ADARB2: variants seen among roughly 807,000 people sequenced by gnomAD.
ADARB2 encodes adenosine deaminase RNA specific B2 (inactive).
A neutral mutation model predicts 62.2 loss-of-function variants in ADARB2; 25 were observed. The observed-to-expected ratio is 0.40, with a 90% CI of 0.29 to 0.56. The LOEUF (loss-of-function observed/expected upper bound fraction) is 0.56, where lower values mean the gene tolerates loss of function less well. ADARB2 is among the 20% of genes least tolerant of loss of function. The probability of loss-of-function intolerance (pLI) is 0.43; values close to 1 mark genes in which losing one functional copy is unlikely to be tolerated. For synonymous variants in ADARB2, 572 were observed against 500.8 expected (o/e 1.14, Z -1.90); for missense variants, 1,071 against 1,077.4 (o/e 0.99, Z 0.08).
intron 1 of ADARB2, among the ~76,000 whole-genome samples, chr10:1,602,979 C>T (rs114517131): frequency 6.6e-6 from 1 of 151,508 alleles, no homozygotes. Context: ...CACACATCAA[C>T]ACGTGCACAC....
chr10:1,618,240 A>G (rs979581269), intron 1 of ADARB2, among the ~76,000 whole-genome samples: 6 of 152,324 alleles, frequency 3.9e-5, no homozygotes, highest in East Asian at 1.9e-4. Context: ...TTAAGATCCT[A>G]TAAGTCCAGC....
At chr10:1,185,333 A>G (rs1836737686) in intron 8 of ADARB2, among the ~76,000 whole-genome samples, 1 of 152,160 alleles carries the variant, frequency 6.6e-6, no homozygotes, top group African/African-American at 2.4e-5. Flanking sequence ...CCTTCTGTAA[A>G]TATTAGTTGA....
intron 4 of ADARB2, among the ~76,000 whole-genome samples, chr10:1,249,995 TAA>T (rs1158786529): frequency 1.3e-5 from 2 of 149,154 alleles, no homozygotes; most frequent in Non-Finnish European, 3.0e-5. Flanking sequence ...ATAATAGGAA[TAA>T]GTTTAACGAG....
chr10:1,526,443 G>A (rs1397206415), intron 1 of ADARB2, among the ~76,000 whole-genome samples: 1 of 152,016 alleles, frequency 6.6e-6, no homozygotes, highest in Non-Finnish European at 1.5e-5. Context: ...GGTGGGGGAT[G>A]CTGGGGTCAG....
chr10:1,679,657 A>C (rs977174007), intron 1 of ADARB2, among the ~76,000 whole-genome samples: 2 of 152,240 alleles, frequency 1.3e-5, no homozygotes, highest in East Asian at 3.9e-4. Flanking sequence ...GATGAAGAGC[A>C]CTGTCCCCCA....
rs528337391 is a variant in ADARB2 at position 1,261,843 on chromosome 10, G to A, written c.1192+9112C>T. Among the ~76,000 whole-genome samples the A allele has an allele frequency of 2.4e-3, 364 of 149,884 alleles. 27 individuals are homozygous for A. The highest frequency in any genetic ancestry group is 8.8e-3 in the South Asian group (42 of 4,800). On this transcript the variant is annotated intron_variant, in intron 4 of 9. Coordinates refer to ENST00000381312, the MANE Select transcript of ADARB2 (RefSeq NM_018702.4). ...TGCTGCTATAAAGACACATGCACAC[G>A]TATGTTTATTGTGGCATTATTCACA...
intron 2 of ADARB2, 97 bp downstream of exon 2, chr10:1,378,977 G>A: frequency 9.8e-7 from 1 of 1,025,234 alleles, no homozygotes; most frequent in Non-Finnish European, 1.5e-6. Context: ...GACCCTCCCA[G>A]ATGACCCCAG....
chr10:1,401,234 C>T (rs982271028), intron 1 of ADARB2, among the ~76,000 whole-genome samples: 5 of 152,154 alleles, frequency 3.3e-5, no homozygotes, highest in African/African-American at 9.7e-5. Flanking sequence ...GGGTGGGGGA[C>T]GGCCCGGTGT....
intron 3 of ADARB2, among the ~76,000 whole-genome samples, chr10:1,275,251 CA>C (rs1260735965): frequency 2.6e-5 from 4 of 152,220 alleles, no homozygotes; most frequent in Non-Finnish European, 4.4e-5. Context: ...TCTAGAGTGA[CA>C]AGGGCCCCTG....
chr10:1,639,632 C>T (rs1451834554), intron 1 of ADARB2, among the ~76,000 whole-genome samples: 1 of 152,192 alleles, frequency 6.6e-6, no homozygotes, highest in Non-Finnish European at 1.5e-5. Context: ...ATCATGAGGT[C>T]AGGAGTTCGA....
chr10:1,422,214 TC>T (rs1482729020), intron 1 of ADARB2, among the ~76,000 whole-genome samples: 1 of 152,202 alleles, frequency 6.6e-6, no homozygotes, highest in African/African-American at 2.4e-5. Flanking sequence ...ATATATGGAA[TC>T]CATGAGGCCA....
In ADARB2 at chr10:1,363,382, G is replaced by A; in HGVS notation, c.723C>T (p.Pro241=). 5 of 1,329,998 alleles carry A rather than the reference G, an allele frequency of 3.8e-6. No homozygotes were observed. The highest frequency in any genetic ancestry group is 3.1e-5 in the East Asian group (1 of 31,848). The allele number at this position is 1,329,998 out of a possible 1,614,324, so 82.4% of individuals were successfully genotyped here. The part of the protein sequence containing the change: ...APRPGLAGGR[P]GDAALLSAAY... ...CCGCGGACAGAAGCGCGGCGTCCCCGGGGCGGCCTCCCGCGAGTCCGGGGC... is the reference window on the plus strand; with the variant it reads ...CCGCGGACAGAAGCGCGGCGTCCCCAGGGCGGCCTCCCGCGAGTCCGGGGC... The change falls in exon 3 of 10, where the codon CCC becomes CCT. Residue 241 remains proline (P), a synonymous_variant. Coordinates refer to ENST00000381312, the MANE Select transcript of ADARB2 (RefSeq NM_018702.4).
chr10:1,617,728 T>C (rs940165260), intron 1 of ADARB2, among the ~76,000 whole-genome samples: 49 of 151,554 alleles, frequency 3.2e-4, no homozygotes, highest in Middle Eastern at 6.9e-3. Context: ...CTCAGAGGGT[T>C]GCATTCTGTC....
intron 1 of ADARB2, among the ~76,000 whole-genome samples, chr10:1,475,364 C>A (rs868458536): frequency 6.6e-6 from 1 of 152,184 alleles, no homozygotes; most frequent in Non-Finnish European, 1.5e-5. Context: ...GAGTCTGTTT[C>A]AGGTGCTGTG....
chr10:1,717,737 TGGAC>T (rs1835039702), intron 1 of ADARB2, among the ~76,000 whole-genome samples: 2 of 151,854 alleles, frequency 1.3e-5, no homozygotes, highest in Non-Finnish European at 2.9e-5. Context: ...ACCACCACGC[TGGAC>T]TAACTTTTGT....
intron 1 of ADARB2, among the ~76,000 whole-genome samples, chr10:1,652,545 C>A (rs572137958): frequency 3.9e-5 from 6 of 152,174 alleles, no homozygotes; most frequent in Non-Finnish European, 7.3e-5. Flanking sequence ...TGAGAAATAG[C>A]TAATTTGTGC....
intron 1 of ADARB2, among the ~76,000 whole-genome samples, chr10:1,488,909 CGAT>C (rs1831585810): frequency 6.6e-6 from 1 of 152,208 alleles, no homozygotes; most frequent in African/African-American, 2.4e-5. Context: ...GAACACATTC[CGAT>C]CTGATCAGGG....
At chr10:1,716,297 A>G (rs1564203011) in intron 1 of ADARB2, among the ~76,000 whole-genome samples, 1 of 152,232 alleles carries the variant, frequency 6.6e-6, no homozygotes, top group Non-Finnish European at 1.5e-5. Context: ...AATGATAAAC[A>G]TTTGTCCAAT....
intron 3 of ADARB2, among the ~76,000 whole-genome samples, chr10:1,293,522 T>C (rs1441091247): frequency 6.6e-6 from 1 of 152,236 alleles, no homozygotes; most frequent in East Asian, 1.9e-4. Flanking sequence ...ATTTTTCTTT[T>C]GCATTTTCAG....
Sources: gnomAD v4.1 joint callset for allele counts (sites outside exome capture counted in the v4.1 genomes callset) on GRCh38, gnomAD v4.1.1 for gene constraint, MANE v1.5 for transcripts, NCBI Gene and HGNC (gene_info 2026-07-23, HGNC 2026-07-21) for gene names.